Variants in CELF1 observed in about 807,000 individuals in gnomAD.
The protein encoded by CELF1 is CUGBP Elav-like family member 1.
CELF1 carries 10 observed loss-of-function variants against 61.8 expected under a neutral mutation model. The observed-to-expected ratio is 0.16, with a 90% confidence interval of 0.10 to 0.27. The LOEUF is 0.27. Among genes scored for constraint, CELF1 ranks in the 10% least tolerant of loss-of-function variants. CELF1 has a pLI of 1.00. For missense variants in CELF1, 380 were observed against 639.1 expected (o/e 0.59, Z 4.37); for synonymous variants, 236 against 225.1 (o/e 1.05, Z -0.43).
intron 1 of CELF1, among the ~76,000 whole-genome samples, chr11:47,525,383 G>A (rs2096185414): frequency 1.3e-5 from 2 of 152,222 alleles, no homozygotes; most frequent in Non-Finnish European, 2.9e-5. Context: ...TGACCAGAGT[G>A]AATTTTCCAA....
chr11:47,552,760 G>A (rs1002461229), intron 1 of CELF1, among the ~76,000 whole-genome samples: 2 of 152,184 alleles, frequency 1.3e-5, no homozygotes, highest in Admixed American at 6.5e-5. Context: ...GTCTCCCTGG[G>A]CGCGGGGGCA....
At chr11:47,545,912 TA>T (rs2153742855) in intron 1 of CELF1, among the ~76,000 whole-genome samples, 1 of 129,592 alleles carries the variant, frequency 7.7e-6, no homozygotes, top group Non-Finnish European at 1.6e-5. Context: ...TGTGTATATA[TA>T]TATTTTTTTT....
At chr11:47,525,821 T>C (rs541711929) in intron 1 of CELF1, among the ~76,000 whole-genome samples, 2 of 152,192 alleles carry the variant, frequency 1.3e-5, no homozygotes, top group African/African-American at 2.4e-5. Context: ...AGCTCACATG[T>C]ATAATCTCAG....
chr11:47,532,255 C>T (rs1191114869), intron 1 of CELF1, among the ~76,000 whole-genome samples: 1 of 152,126 alleles, frequency 6.6e-6, no homozygotes, highest in Non-Finnish European at 1.5e-5. Context: ...GTGTCAAACT[C>T]CTGACCTCAG....
intron 2 of CELF1, among the ~76,000 whole-genome samples, chr11:47,559,637 C>T (rs1184745635): frequency 1.3e-5 from 2 of 152,110 alleles, no homozygotes; most frequent in Non-Finnish European, 2.9e-5. Context: ...GCCTATGTAA[C>T]TTTTTGAAAA....
chr11:47,479,939 CT>C (rs1156938752), intron 9 of CELF1, among the ~76,000 whole-genome samples: 1 of 152,094 alleles, frequency 6.6e-6, no homozygotes, highest in East Asian at 1.9e-4. Context: ...CCTATACACC[CT>C]TTCCCCCCGC....
intron 10 of CELF1, among the ~76,000 whole-genome samples, chr11:47,478,454 C>A (rs908515466): frequency 6.6e-6 from 1 of 152,210 alleles, no homozygotes; most frequent in Non-Finnish European, 1.5e-5. Context: ...CACAGGTAAA[C>A]CAAATGCCTG....
chr11:47,518,902 G>A (rs549836452), intron 1 of CELF1, among the ~76,000 whole-genome samples: 17 of 152,188 alleles, frequency 1.1e-4, no homozygotes, highest in Non-Finnish European at 2.1e-4. Context: ...TCAAACACAC[G>A]GGCACTCATG....
chr11:47,525,787 AAG>A (rs1287483836), intron 1 of CELF1, among the ~76,000 whole-genome samples: 1 of 152,184 alleles, frequency 6.6e-6, no homozygotes, highest in Non-Finnish European at 1.5e-5. Context: ...TATACACATT[AAG>A]AGAAGAGAGG....
At chr11:47,479,317 G>A (rs1015754810) in intron 9 of CELF1, among the ~76,000 whole-genome samples, 2 of 152,172 alleles carry the variant, frequency 1.3e-5, no homozygotes, top group African/African-American at 4.8e-5. Context: ...GCCATTTCCA[G>A]CTACCCTCTC....
In CELF1 at chr11:47,468,434, A is replaced by G. The variant is rs1351131816; in HGVS notation, c.*3796T>C. On this transcript the variant is annotated 3_prime_UTR_variant, in exon 15 of 15. Coordinates refer to ENST00000687097, the MANE Select transcript of CELF1 (RefSeq NM_001376376.1). ...CATCTTTTATTTCATTGTTTACTTC[A>G]AAGTTGTCTTTAAAACTAAGCACAC... 6.6e-6 allele frequency: 1 copy of G among 152,614 alleles called. No homozygotes were observed. Among genetic ancestry groups the G allele is most frequent in the Admixed American group, 6.6e-5 (1 of 15,264 alleles). The allele number at this position is 152,614 out of a possible 1,614,324, so 9.5% of individuals were successfully genotyped here. A position where few individuals can be genotyped will look rare whatever the true frequency, so the allele number is the denominator to read the frequency against.
At chr11:47,544,895 G>A (rs1390845453) in intron 1 of CELF1, among the ~76,000 whole-genome samples, 1 of 152,142 alleles carries the variant, frequency 6.6e-6, no homozygotes, top group East Asian at 1.9e-4. Flanking sequence ...CCAGGAGGTG[G>A]AGGTTGCAGT....
chr11:47,477,509 G>T, intron 10 of CELF1, 84 bp from the exon 11 acceptor site: 1 of 1,442,972 alleles, frequency 6.9e-7, no homozygotes, highest in Non-Finnish European at 9.6e-7. Context: ...CACTGGCAGA[G>T]GGCTGGTCCC....
upstream of CELF1, among the ~76,000 whole-genome samples, chr11:47,555,145 A>G (rs2153788539): frequency 6.6e-6 from 1 of 152,308 alleles, no homozygotes; most frequent in Non-Finnish European, 1.5e-5. Flanking sequence ...GACTTACTGA[A>G]TAGGTATATC....
At chr11:47,530,445 G>A (rs959189599) in intron 1 of CELF1, among the ~76,000 whole-genome samples, 3 of 152,168 alleles carry the variant, frequency 2.0e-5, no homozygotes. Flanking sequence ...ATAGCGTTTG[G>A]GACATGCTTT....
At chr11:47,539,348 G>A (rs2096716736) in intron 1 of CELF1, among the ~76,000 whole-genome samples, 1 of 152,142 alleles carries the variant, frequency 6.6e-6, no homozygotes. Flanking sequence ...GAGGGTATGG[G>A]GGAAAAAGCA....
chr11:47,494,636 T>C, intron 3 of CELF1: 2 of 273,406 alleles, frequency 7.3e-6, no homozygotes, highest in Non-Finnish European at 1.1e-5. Flanking sequence ...ATTCCAAATT[T>C]TTCCCATCCT....
chr11:47,472,074 A>C lies in CELF1; in HGVS notation c.*156T>G. 1 of 791,042 alleles carries C rather than the reference A, an allele frequency of 1.3e-6. No homozygotes were observed. Among genetic ancestry groups the C allele is most frequent in the South Asian group, 2.0e-5 (1 of 49,364 alleles). The allele number at this position is 791,042 out of a possible 1,614,324, so 49.0% of individuals were successfully genotyped here. A position where few individuals can be genotyped will look rare whatever the true frequency, so the allele number is the denominator to read the frequency against. ...ACGAAGCGAAACTCCCACAGAAGGCAGTAGCCGAGTCTTCAGGGCAAGCTG... is the reference window on the plus strand; with the variant it reads ...ACGAAGCGAAACTCCCACAGAAGGCCGTAGCCGAGTCTTCAGGGCAAGCTG... On this transcript the variant is annotated 3_prime_UTR_variant, in exon 15 of 15. Transcript: ENST00000687097.
intron 3 of CELF1, among the ~76,000 whole-genome samples, chr11:47,490,137 C>T (rs1455641134): frequency 6.6e-6 from 1 of 151,216 alleles, no homozygotes; most frequent in African/African-American, 2.4e-5. Flanking sequence ...CGGGCTTTCA[C>T]CATGTTGGCC....
Sources: allele counts gnomAD v4.1 joint callset (sites outside exome capture counted in the v4.1 genomes callset), GRCh38; gene constraint gnomAD v4.1.1; transcripts MANE v1.5; gene names NCBI Gene and HGNC (gene_info 2026-07-23, HGNC 2026-07-21).